CYP27C1: variants seen among roughly 807,000 people sequenced by gnomAD.
CYP27C1 encodes cytochrome P450 family 27 subfamily C member 1.
In CYP27C1, 29 loss-of-function variants were observed where a neutral mutation model predicts 40.6. The ratio of observed to expected loss-of-function variants is 0.71; its 90% CI spans 0.53 to 0.97. The LOEUF (loss-of-function observed/expected upper bound fraction) is 0.97, where lower values mean the gene tolerates loss of function less well. Among genes scored for constraint, CYP27C1 ranks in the 50% least tolerant of loss-of-function variants. CYP27C1 has a pLI of 0.00. For missense variants in CYP27C1, 390 were observed against 485.8 expected (o/e 0.80, Z 1.85); for synonymous variants, 198 against 186.8 (o/e 1.06, Z -0.49).
In CYP27C1 at chr2:127,218,308, A is replaced by AG. The variant is rs1683483722; in HGVS notation, c.282+1680_282+1681insC. Among the ~76,000 whole-genome samples, 1 of 152,246 alleles carries AG rather than the reference A, an allele frequency of 6.6e-6. No homozygotes were observed. The highest frequency in any genetic ancestry group is 1.5e-5 in the Non-Finnish European group (1 of 68,044). ...AAAGCAGATGGCAGTAGGGGCGGAT[A>AG]AAAGAAAAATTAAATTACACTTCAG... On this transcript the variant is annotated intron_variant, in intron 1 of 8. Transcript: ENST00000664447. The surrounding 1 kb of genome is among the most constrained non-coding windows in gnomAD (Gnocchi z 6.0).
chr2:127,205,578 G>A lies in CYP27C1; in HGVS notation c.473+322C>T, dbSNP rs771570683. The A allele has an allele frequency of 1.3e-3, 779 of 590,550 alleles. 1 individual carries two copies. Among genetic ancestry groups the A allele is most frequent in the Admixed American group, 1.8e-3 (28 of 15,794 alleles). 36.6% of individuals were successfully genotyped at this position (590,550 alleles called of 1,614,324 possible). A position where few individuals can be genotyped will look rare whatever the true frequency, so the allele number is the denominator to read the frequency against. On this transcript the variant is annotated intron_variant, in intron 2 of 8. Transcript: ENST00000664447. ...CCTTTCCCTGTGCACAGACAAGGGC[G>A]CTGTGAGTTTTGTCTGCCTCGGTTA...
intron 2 of CYP27C1, 73 bp downstream of exon 2, chr2:127,205,827 C>T: frequency 8.7e-6 from 8 of 919,616 alleles, no homozygotes; most frequent in Non-Finnish European, 1.0e-5. Context: ...TTTAGGAACT[C>T]AGCTTTGGAG....
chr2:127,188,384 C>T (rs921152884), intron 8 of CYP27C1, among the ~76,000 whole-genome samples: 2 of 152,198 alleles, frequency 1.3e-5, no homozygotes, highest in African/African-American at 2.4e-5. Flanking sequence ...GGACTACAGG[C>T]ATGCATCACA....
chr2:127,199,372 T>C lies in CYP27C1; in HGVS notation c.1047+4A>G. The C allele has an allele frequency of 6.2e-7, 1 of 1,613,862 alleles. No individual in the cohort carries two copies. Among genetic ancestry groups the C allele is most frequent in the Non-Finnish European group, 8.5e-7 (1 of 1,179,826 alleles). On this transcript the variant is annotated splice_donor_region_variant and intron_variant, in intron 5 of 8. Transcript: ENST00000664447. Reference sequence around the variant, plus strand: ...CTTGCTGAGAACAGGACCCCCAGACTCACCGTGTCGACGCCGGCCAGCAGC... The same window carrying C: ...CTTGCTGAGAACAGGACCCCCAGACCCACCGTGTCGACGCCGGCCAGCAGC...
intron 2 of CYP27C1, among the ~76,000 whole-genome samples, 162 bp from the exon 3 acceptor site, chr2:127,203,733 T>G (rs532168294): frequency 6.6e-6 from 1 of 152,162 alleles, no homozygotes; most frequent in East Asian, 1.9e-4. Context: ...GAGAGAGAAG[T>G]TAATAACTGC....
In CYP27C1 at chr2:127,204,408, GAAAGA is replaced by G. The variant is rs1406311635; in HGVS notation, c.474-842_474-838del. ...GAAAGAAAAGAAAGAGAGAGAGAAA[GAAAGA>G]AAAGAAAGAGAGAAAGGAAAGAAAG... On this transcript the variant is annotated intron_variant, in intron 2 of 8. Transcript: ENST00000664447. Among the ~76,000 whole-genome samples the G allele has an allele frequency of 7.9e-5, 10 of 127,344 alleles. No homozygotes were observed. The East Asian group carries it at 2.3e-3, about 29-fold the overall frequency. 83.5% of individuals were successfully genotyped at this position (127,344 alleles called of 152,430 possible).
chr2:127,191,252 A>G (rs768836303), intron 8 of CYP27C1, among the ~76,000 whole-genome samples: 12 of 152,176 alleles, frequency 7.9e-5, no homozygotes, highest in Admixed American at 6.5e-5. Context: ...AAAATAATAA[A>G]ATAAAATAAA....
chr2:127,193,621 C>T (rs1172055417), intron 7 of CYP27C1, among the ~76,000 whole-genome samples, 168 bp downstream of exon 7: 1 of 152,314 alleles, frequency 6.6e-6, no homozygotes, highest in African/African-American at 2.4e-5. Context: ...TGAGATCACA[C>T]CATTCCCTTC....
intron 1 of CYP27C1, among the ~76,000 whole-genome samples, chr2:127,211,004 G>A (rs1683324735): frequency 6.6e-6 from 1 of 152,162 alleles, no homozygotes. Context: ...CTCAGCTCTG[G>A]ATCAAGTGGA....
chr2:127,187,139 T>C lies in CYP27C1; in HGVS notation c.*132A>G. On this transcript the variant is annotated 3_prime_UTR_variant, in exon 9 of 9. Transcript: ENST00000664447. ...AAAGATTTACAAGTGTCCCAGGACCTGGGAGGCCAGTCTATAACAAGACAG... is the reference window on the plus strand; with the variant it reads ...AAAGATTTACAAGTGTCCCAGGACCCGGGAGGCCAGTCTATAACAAGACAG... 1 of 738,378 alleles carries C rather than the reference T, an allele frequency of 1.4e-6. No individual in the cohort carries two copies. Among genetic ancestry groups the C allele is most frequent in the Non-Finnish European group, 2.3e-6 (1 of 428,240 alleles). 45.7% of individuals were successfully genotyped at this position (738,378 alleles called of 1,614,324 possible). A position where few individuals can be genotyped will look rare whatever the true frequency, so the allele number is the denominator to read the frequency against.
chr2:127,188,542 A>C (rs1246569330), intron 8 of CYP27C1, among the ~76,000 whole-genome samples: 1 of 152,120 alleles, frequency 6.6e-6, no homozygotes, highest in Non-Finnish European at 1.5e-5. Context: ...TCGGCCTCTA[A>C]CACTATTGAA....
intron 5 of CYP27C1, among the ~76,000 whole-genome samples, chr2:127,198,571 A>T (rs1036883678): frequency 2.6e-5 from 4 of 152,220 alleles, no homozygotes; most frequent in Admixed American, 1.3e-4. Context: ...CATGCATCGT[A>T]TAGTGATGTT....
In CYP27C1 at chr2:127,200,921, C is replaced by T. The variant is rs2104686013; in HGVS notation, c.883+201G>A. 6.6e-6 allele frequency among the ~76,000 whole-genome samples: 1 copy of T among 152,136 alleles called. No individual in the cohort carries two copies. Among genetic ancestry groups the T allele is most frequent in the Non-Finnish European group, 1.5e-5 (1 of 68,018 alleles). On this transcript the variant is annotated intron_variant, in intron 4 of 8. Transcript: ENST00000664447. The surrounding 1 kb of genome is among the most constrained non-coding windows in gnomAD (Gnocchi z 4.2). Reference sequence around the variant, plus strand: ...GAGGTTGCAGTGAGCTGAGATCACACCACTGCACTCCAGCATGGGCGACAG... The same window carrying T: ...GAGGTTGCAGTGAGCTGAGATCACATCACTGCACTCCAGCATGGGCGACAG...
Position 127,209,335 on chromosome 2 carries a change from G to A in CYP27C1, c.283-3245C>T, listed in dbSNP as rs918278417. Among the ~76,000 whole-genome samples the A allele has an allele frequency of 2.0e-5, 3 of 152,072 alleles. No individual in the cohort carries two copies. The highest frequency in any genetic ancestry group is 4.4e-5 in the Non-Finnish European group (3 of 68,014). On this transcript the variant is annotated intron_variant, in intron 1 of 8. Transcript: ENST00000664447. This position sits in a 1 kb window ranked among gnomAD's most constrained non-coding sequence, Gnocchi z 4.1. ...AGCATTGATAACAACAACAAAAAAA[G>A]GCCCCCACAAAAACCCCATCCAAGG...
intron 7 of CYP27C1, among the ~76,000 whole-genome samples, 158 bp from the exon 8 acceptor site, chr2:127,193,455 C>G (rs527597122): frequency 6.6e-6 from 1 of 152,292 alleles, no homozygotes; most frequent in African/African-American, 2.4e-5. Flanking sequence ...CCCCCCTTCC[C>G]ACTCCACACT....
chr2:127,212,200 C>T lies in CYP27C1; in HGVS notation c.283-6110G>A, dbSNP rs530041270. ...AATAGTCTACCAACCAAAAAAAGCC[C>T]AGGACTAGATGGATTCACAGCTGAA... On this transcript the variant is annotated intron_variant, in intron 1 of 8. Transcript: ENST00000664447. Among the ~76,000 whole-genome samples, 34 of 152,238 alleles carry T rather than the reference C, an allele frequency of 2.2e-4. No homozygotes were observed. The South Asian group carries it at 6.8e-3, about 31-fold the overall frequency.
At position 127,187,171 on chromosome 2, in the gene CYP27C1, G is replaced by A. The variant is rs1682643137; in HGVS notation, c.*100C>T. ...CCAGTCTATAACAAGACAGCCTTTA[G>A]CGACATCGCTTTCCTTCTCCACGGT... On this transcript the variant is annotated 3_prime_UTR_variant, in exon 9 of 9. Coordinates refer to ENST00000664447, the MANE Select transcript of CYP27C1 (RefSeq NM_001367502.1). The A allele has an allele frequency of 1.0e-6, 1 of 970,912 alleles. No individual in the cohort carries two copies. Among genetic ancestry groups the A allele is most frequent in the Non-Finnish European group, 1.6e-6 (1 of 619,306 alleles). The allele number at this position is 970,912 out of a possible 1,614,324, so 60.1% of individuals were successfully genotyped here. A position where few individuals can be genotyped will look rare whatever the true frequency, so the allele number is the denominator to read the frequency against.
In CYP27C1 at chr2:127,196,464, T is replaced by C. The variant is rs72961090; in HGVS notation, c.1048-963A>G. 6.6e-6 allele frequency among the ~76,000 whole-genome samples: 1 copy of C among 152,136 alleles called. No individual in the cohort carries two copies. Among genetic ancestry groups the C allele is most frequent in the African/African-American group, 2.4e-5 (1 of 41,510 alleles). ...ATTTTCGCTAAAATCAATAGTATCA[T>C]CTATGGGACTACATTTCACTCTCTA... On this transcript the variant is annotated intron_variant, in intron 5 of 8. Transcript: ENST00000664447. The surrounding 1 kb of genome is among the most constrained non-coding windows in gnomAD (Gnocchi z 4.5).
intron 5 of CYP27C1, 140 bp downstream of exon 5, chr2:127,199,236 G>A (rs4273176): frequency 0.42 from 472,843 of 1,128,310 alleles, 101,543 homozygotes; most frequent in Admixed American, 0.59. Flanking sequence ...GCAGTGAGCC[G>A]AGACCATGCC....
Sources: gnomAD v4.1 joint callset for allele counts (sites outside exome capture counted in the v4.1 genomes callset) on GRCh38, gnomAD v4.1.1 for gene constraint, Gnocchi (gnomAD v3.1) non-coding constraint, MANE v1.5 for transcripts, NCBI Gene and HGNC (gene_info 2026-07-23, HGNC 2026-07-21) for gene names.